ZBTB20: variants seen among roughly 807,000 people sequenced by gnomAD.
The protein encoded by ZBTB20 is zinc finger and BTB domain-containing protein 20.
Under a neutral mutation model 56.9 loss-of-function variants are expected in ZBTB20, and 9 were observed. The observed-to-expected ratio is 0.16, with a 90% CI of 0.10 to 0.28. ZBTB20 has a LOEUF of 0.28. Ranked by LOEUF, ZBTB20 falls within the 10% of genes least tolerant of loss-of-function variation. The pLI, the probability that ZBTB20 is intolerant of heterozygous loss-of-function variation, is 1.00. For synonymous variants in ZBTB20, 417 were observed against 420.7 expected (o/e 0.99, Z 0.11); for missense variants, 655 against 1,003.0 (o/e 0.65, Z 4.69).
chr3:114,716,667 T>G lies in ZBTB20; in HGVS notation c.-342-23092A>C, dbSNP rs2108470205. ...CAAGATATTATGAGAAGGTTTCCAC[T>G]GCTAACACTGGCCATTGTGGTTACA... On this transcript the variant is annotated intron_variant, in intron 5 of 11. Coordinates refer to ENST00000675478, the MANE Select transcript of ZBTB20 (RefSeq NM_001348800.3). Among the ~76,000 whole-genome samples the G allele has an allele frequency of 1.3e-5, 2 of 152,284 alleles. 1 individual carries two copies. The highest frequency in any genetic ancestry group is 4.1e-4 in the South Asian group (2 of 4,826).
At chr3:114,474,415 G>A (rs1309194574) in intron 7 of ZBTB20, among the ~76,000 whole-genome samples, 1 of 152,158 alleles carries the variant, frequency 6.6e-6, no homozygotes, top group Non-Finnish European at 1.5e-5. Flanking sequence ...CAAACAAAGT[G>A]AAAAAGACCT....
At chr3:115,103,044 C>T (rs1240442225) in intron 1 of ZBTB20, 2 of 151,892 alleles carry the variant, frequency 1.3e-5, no homozygotes, top group Non-Finnish European at 2.9e-5. Context: ...GTACATTTTA[C>T]TAGATTCAAA....
At chr3:114,926,686 A>G (rs1298077325) in intron 3 of ZBTB20, among the ~76,000 whole-genome samples, 1 of 152,238 alleles carries the variant, frequency 6.6e-6, no homozygotes, top group African/African-American at 2.4e-5. Context: ...GCCATCAAAT[A>G]GGTAAGAATG....
At chr3:114,485,760 A>G (rs935214755) in intron 7 of ZBTB20, among the ~76,000 whole-genome samples, 1 of 152,022 alleles carries the variant, frequency 6.6e-6, no homozygotes, top group Non-Finnish European at 1.5e-5. Context: ...TTCCTCTTCC[A>G]CCCTTTGCCA....
At chr3:114,482,935 T>C (rs2041715305) in intron 7 of ZBTB20, among the ~76,000 whole-genome samples, 1 of 152,244 alleles carries the variant, frequency 6.6e-6, no homozygotes, top group African/African-American at 2.4e-5. Flanking sequence ...GAGAGCTTAC[T>C]GTATGCTTTA....
chr3:114,607,882 C>T (rs2057287898), intron 6 of ZBTB20, among the ~76,000 whole-genome samples: 1 of 152,162 alleles, frequency 6.6e-6, no homozygotes, highest in African/African-American at 2.4e-5. Context: ...AGTCCCCAAA[C>T]AAGGCTGCAG....
chr3:114,541,067 G>A (rs934473965), intron 6 of ZBTB20, among the ~76,000 whole-genome samples: 1 of 152,028 alleles, frequency 6.6e-6, no homozygotes, highest in Non-Finnish European at 1.5e-5. Context: ...CCATACATTA[G>A]CAGATTTAAT....
rs557261764 is a variant in ZBTB20 at position 114,830,654 on chromosome 3, G to A, written c.-416-29480C>T. 3.9e-5 allele frequency among the ~76,000 whole-genome samples: 6 copies of A among 152,080 alleles called. No individual in the cohort carries two copies. The South Asian group carries it at 1.2e-3, about 32-fold the overall frequency. On this transcript the variant is annotated intron_variant, in intron 4 of 11. Transcript: ENST00000675478. Reference sequence around the variant, plus strand: ...GTACAATTATCCCAATCATGGATGAGGAAACTGGGACTCAGAGAAGTTAGA... The same window carrying A: ...GTACAATTATCCCAATCATGGATGAAGAAACTGGGACTCAGAGAAGTTAGA...
intron 8 of ZBTB20, among the ~76,000 whole-genome samples, chr3:114,384,543 A>T (rs2084851456): frequency 6.6e-6 from 1 of 152,198 alleles, no homozygotes; most frequent in African/African-American, 2.4e-5. Context: ...TTCTGACTGA[A>T]CATCTCTCAA....
At chr3:115,050,578 T>TA (rs2081508610) in intron 2 of ZBTB20, among the ~76,000 whole-genome samples, 1 of 152,044 alleles carries the variant, frequency 6.6e-6, no homozygotes, top group Non-Finnish European at 1.5e-5. Flanking sequence ...CTTTAAAGAA[T>TA]GTATGCATTC....
At chr3:115,049,934 T>C (rs1428089834) in intron 2 of ZBTB20, among the ~76,000 whole-genome samples, 1 of 152,136 alleles carries the variant, frequency 6.6e-6, no homozygotes, top group Non-Finnish European at 1.5e-5. Context: ...TTTTTCACAA[T>C]TGCAAATGTT....
chr3:114,522,225 T>C (rs1205923446), intron 6 of ZBTB20, among the ~76,000 whole-genome samples: 1 of 152,118 alleles, frequency 6.6e-6, no homozygotes, highest in African/African-American at 2.4e-5. Flanking sequence ...AGCAAAGACC[T>C]GAAGATGATA....
chr3:114,470,588 T>C (rs1404239865), intron 7 of ZBTB20, among the ~76,000 whole-genome samples: 2 of 152,154 alleles, frequency 1.3e-5, no homozygotes, highest in South Asian at 2.1e-4. Context: ...AGTCTACAAG[T>C]TGGGTGTCAT....
intron 6 of ZBTB20, among the ~76,000 whole-genome samples, chr3:114,671,831 G>A (rs1311716690): frequency 6.6e-6 from 1 of 152,128 alleles, no homozygotes; most frequent in Non-Finnish European, 1.5e-5. Flanking sequence ...GAAGGGCATG[G>A]AAAGTCTCTC....
chr3:115,100,007 C>T (rs899571792), intron 1 of ZBTB20, among the ~76,000 whole-genome samples: 2 of 151,950 alleles, frequency 1.3e-5, no homozygotes, highest in African/African-American at 4.8e-5. Flanking sequence ...AAGGGTAGGC[C>T]TCCTACAGAT....
chr3:115,009,916 TTC>T (rs1323324064), intron 2 of ZBTB20, among the ~76,000 whole-genome samples: 1 of 151,994 alleles, frequency 6.6e-6, no homozygotes, highest in African/African-American at 2.4e-5. Context: ...GTCTGTGGTA[TTC>T]TGTTATGGCA....
At chr3:114,847,166 A>T (rs1260475594) in intron 4 of ZBTB20, among the ~76,000 whole-genome samples, 2 of 152,168 alleles carry the variant, frequency 1.3e-5, no homozygotes, top group Non-Finnish European at 2.9e-5. Flanking sequence ...TAATTTTTTA[A>T]ACAAATCTAT....
At chr3:114,779,389 ATT>A (rs1399678092) in intron 5 of ZBTB20, among the ~76,000 whole-genome samples, 17 of 152,236 alleles carry the variant, frequency 1.1e-4, no homozygotes, top group African/African-American at 4.1e-4. Flanking sequence ...GGTTGAGAAC[ATT>A]CTTTTCCTGT....
At chr3:114,522,820 A>G (rs2046790594) in intron 6 of ZBTB20, among the ~76,000 whole-genome samples, 1 of 152,178 alleles carries the variant, frequency 6.6e-6, no homozygotes, top group Admixed American at 6.5e-5. Context: ...TGGGGAGGCT[A>G]TGTATTTGCT....
Sources: allele counts gnomAD v4.1 joint callset (sites outside exome capture counted in the v4.1 genomes callset), GRCh38; gene constraint gnomAD v4.1.1; transcripts MANE v1.5; gene names NCBI Gene and HGNC (gene_info 2026-07-23, HGNC 2026-07-21).